RBFOX1: variants seen among roughly 807,000 people sequenced by gnomAD.
RBFOX1 encodes the protein RNA binding protein fox-1 homolog 1.
In RBFOX1, 8 loss-of-function variants were observed where a neutral mutation model predicts 57.7. That is an observed-to-expected ratio of 0.14 (90% CI 0.08 to 0.25). The LOEUF is 0.25. RBFOX1 is among the 10% of genes least tolerant of loss of function. The probability of loss-of-function intolerance (pLI) is 1.00; values close to 1 mark genes in which losing one functional copy is unlikely to be tolerated. For synonymous variants in RBFOX1, 326 were observed against 222.4 expected (o/e 1.47, Z -4.15); for missense variants, 611 against 548.5 (o/e 1.11, Z -1.14).
At chr16:7,645,396 C>G (rs559510541) in intron 11 of RBFOX1, among the ~76,000 whole-genome samples, 1 of 152,104 alleles carries the variant, frequency 6.6e-6, no homozygotes, top group African/African-American at 2.4e-5. Context: ...AGGGACAATC[C>G]CTGAGTCATT....
rs146432413 is a variant in RBFOX1 at position 6,181,714 on chromosome 16, A to G, written c.-126-135281A>G. ...TTCCTCAAACTTTACCCACAGCACT[A>G]TGGTTCTACAGGATAAGATCCTGTC... On this transcript the variant is annotated intron_variant, in intron 1 of 15. Coordinates refer to ENST00000550418, the MANE Select transcript of RBFOX1 (RefSeq NM_018723.4). 5.1e-3 allele frequency among the ~76,000 whole-genome samples: 784 copies of G among 152,278 alleles called. 6 individuals are homozygous for G. The highest frequency in any genetic ancestry group is 7.1e-3 in the Non-Finnish European group (482 of 68,020).
rs530001106 is a variant in RBFOX1 at position 6,944,840 on chromosome 16, G to C, written c.-15-107217G>C. The stretch of plus-strand genomic sequence containing the variant: ...GGAGGGCTTTGGGTATGATTTGTCA[G>C]AATCCAATTAGCAACTCCAATTGAT... On this transcript the variant is annotated intron_variant, in intron 3 of 15. Coordinates refer to ENST00000550418, the MANE Select transcript of RBFOX1 (RefSeq NM_018723.4). Among the ~76,000 whole-genome samples the C allele has an allele frequency of 7.9e-5, 12 of 152,284 alleles. No homozygotes were observed. The South Asian group carries it at 1.7e-3, about 21-fold the overall frequency.
chr16:6,985,566 G>A (rs1317927277), intron 3 of RBFOX1, among the ~76,000 whole-genome samples: 5 of 152,112 alleles, frequency 3.3e-5, no homozygotes, highest in South Asian at 2.1e-4. Context: ...AGTGGCTCAC[G>A]CCTGTAATCC....
intron 1 of RBFOX1, among the ~76,000 whole-genome samples, chr16:6,227,500 G>A (rs1377519587): frequency 2.6e-5 from 4 of 152,120 alleles, no homozygotes; most frequent in South Asian, 4.1e-4. Flanking sequence ...GGGAGTGGCC[G>A]TGGAGCCAGT....
chr16:7,166,545 A>C (rs1471259103), intron 4 of RBFOX1, among the ~76,000 whole-genome samples: 1 of 152,138 alleles, frequency 6.6e-6, no homozygotes, highest in Non-Finnish European at 1.5e-5. Context: ...CCTAGAGCTG[A>C]GGTGGCCAGA....
chr16:6,126,165 T>C (rs1405304689), intron 1 of RBFOX1, among the ~76,000 whole-genome samples: 1 of 152,234 alleles, frequency 6.6e-6, no homozygotes, highest in Non-Finnish European at 1.5e-5. Context: ...AATACCCCAT[T>C]TGAAATGTAA....
intron 15 of RBFOX1, chr16:7,709,394 A>C: frequency 8.1e-7 from 1 of 1,238,680 alleles, no homozygotes; most frequent in Non-Finnish European, 1.1e-6. Context: ...TGGAATAATT[A>C]GTCATTTTGA....
At chr16:7,294,603 T>C (rs11645478) in intron 4 of RBFOX1, among the ~76,000 whole-genome samples, 20,313 of 151,834 alleles carry the variant, frequency 0.13, 1,616 homozygotes, top group Middle Eastern at 0.21. Context: ...TGGGACTTAC[T>C]CCTGCTCTAA....
intron 4 of RBFOX1, among the ~76,000 whole-genome samples, chr16:7,133,671 C>CA (rs1450972441): frequency 2.6e-5 from 4 of 151,634 alleles, no homozygotes; most frequent in South Asian, 2.1e-4. Context: ...AAAGCAAAAG[C>CA]AAAAAAATTA....
chr16:5,888,782 A>C (rs913298207), intron 4 of RBFOX1, among the ~76,000 whole-genome samples: 3 of 136,410 alleles, frequency 2.2e-5, no homozygotes, highest in African/African-American at 8.5e-5. Flanking sequence ...GGGCGACAAG[A>C]GCGAAACTCA....
At chr16:5,892,551 A>AGAGAC (rs2058069992) in intron 4 of RBFOX1, among the ~76,000 whole-genome samples, 1 of 152,198 alleles carries the variant, frequency 6.6e-6, no homozygotes, top group Admixed American at 6.5e-5. Context: ...TAAAGCAATG[A>AGAGAC]GAGACGAGCT....
In RBFOX1 at chr16:7,454,851, C is replaced by T. The variant is rs140242271; in HGVS notation, c.28-63296C>T. Among the ~76,000 whole-genome samples the T allele has an allele frequency of 2.2e-4, 34 of 152,298 alleles. 1 individual carries two copies. Among genetic ancestry groups the T allele is most frequent in the Middle Eastern group, 3.4e-3 (1 of 294 alleles). ...TCCTCAGGACAAGGATGGACCTAGG[C>T]GAGTTACATCAGGTACCACAGTGTT... On this transcript the variant is annotated intron_variant, in intron 4 of 15. Transcript: ENST00000550418.
chr16:5,426,465 C>T (rs909486597), intron 1 of RBFOX1, among the ~76,000 whole-genome samples: 1 of 152,212 alleles, frequency 6.6e-6, no homozygotes, highest in African/African-American at 2.4e-5. Context: ...GGGTGTCTGT[C>T]AATAACGGAG....
At chr16:5,910,667 C>T (rs117463183) in intron 4 of RBFOX1, among the ~76,000 whole-genome samples, 2 of 152,144 alleles carry the variant, frequency 1.3e-5, no homozygotes, top group African/African-American at 2.4e-5. Flanking sequence ...TCAGCCTTTG[C>T]TATGTGTCTC....
At chr16:7,234,445 C>T (rs1244563397) in intron 4 of RBFOX1, among the ~76,000 whole-genome samples, 2 of 151,936 alleles carry the variant, frequency 1.3e-5, no homozygotes, top group African/African-American at 4.8e-5. Context: ...AAGATGCCAT[C>T]AATAAAATAA....
chr16:5,569,457 T>C (rs2046197074), intron 2 of RBFOX1, among the ~76,000 whole-genome samples: 9 of 116,068 alleles, frequency 7.8e-5, no homozygotes, highest in African/African-American at 3.7e-4. Flanking sequence ...TTTTTTTTTT[T>C]TTTTTTTTTT....
rs539619270 is a variant in RBFOX1, at chr16:6,577,856, A to G, written c.-63-76747A>G. Among the ~76,000 whole-genome samples the G allele has an allele frequency of 3.3e-5, 5 of 152,318 alleles. No homozygotes were observed. The South Asian group carries it at 6.2e-4, about 19-fold the overall frequency. Reference sequence around the variant, plus strand: ...ACCAGATAGTGAAGCAGGAAGGACTATATGGAAGGATATTTTATTTATTAA... The same window carrying G: ...ACCAGATAGTGAAGCAGGAAGGACTGTATGGAAGGATATTTTATTTATTAA... On this transcript the variant is annotated intron_variant, in intron 2 of 15. Transcript: ENST00000550418.
At chr16:5,489,872 C>T (rs185437340) in intron 2 of RBFOX1, among the ~76,000 whole-genome samples, 42 of 152,330 alleles carry the variant, frequency 2.8e-4, no homozygotes, top group African/African-American at 9.9e-4. Flanking sequence ...TCCACCAGAC[C>T]TGGGCATTCC....
chr16:5,397,948 C>G (rs1010207435), intron 1 of RBFOX1, among the ~76,000 whole-genome samples: 1 of 152,160 alleles, frequency 6.6e-6, no homozygotes, highest in Non-Finnish European at 1.5e-5. Context: ...ACAAGACATT[C>G]GAGGTCCTTG....
Sources: gnomAD v4.1 joint callset for allele counts (sites outside exome capture counted in the v4.1 genomes callset) on GRCh38, gnomAD v4.1.1 for gene constraint, MANE v1.5 for transcripts, NCBI Gene and HGNC (gene_info 2026-07-23, HGNC 2026-07-21) for gene names.